Variants in ITGA1 observed in about 807,000 individuals in gnomAD.
ITGA1 encodes the protein integrin subunit alpha 1, also known as integrin alpha-1.
In ITGA1, 85 loss-of-function variants were observed where a neutral mutation model predicts 145.9. The observed-to-expected ratio is 0.58, with a 90% CI of 0.49 to 0.70. ITGA1 has a LOEUF of 0.70. Ranked by LOEUF, ITGA1 falls within the 30% of genes least tolerant of loss-of-function variation. ITGA1 has a pLI of 0.00. For missense variants in ITGA1, 1,351 were observed against 1,418.7 expected, an observed-to-expected ratio of 0.95 and a Z score of 0.77; for synonymous variants, 520 against 495.3, an observed-to-expected ratio of 1.05 and a Z score of -0.66.
At chr5:52,898,992 G>C (rs965892247) in intron 11 of ITGA1, among the ~76,000 whole-genome samples, 3 of 152,092 alleles carry the variant, frequency 2.0e-5, no homozygotes, top group African/African-American at 7.2e-5. Context: ...ACCAAGCTGA[G>C]CAACACCTGG....
chr5:52,930,957 A>C (rs932423234), intron 21 of ITGA1, among the ~76,000 whole-genome samples: 9 of 152,164 alleles, frequency 5.9e-5, no homozygotes, highest in Non-Finnish European at 1.0e-4. Context: ...GGAAGGCTGC[A>C]GTGTGGAATG....
chr5:52,854,897 T>G (rs1258289555), intron 2 of ITGA1, among the ~76,000 whole-genome samples: 1 of 152,180 alleles, frequency 6.6e-6, no homozygotes, highest in Non-Finnish European at 1.5e-5. Flanking sequence ...TCTCCAGAAA[T>G]GAGTAACGAT....
chr5:52,788,180 T>G lies in ITGA1; in HGVS notation c.-174T>G. On this transcript the variant is annotated 5_prime_UTR_variant, in exon 1 of 29. It adds an upstream start codon to the 5' untranslated region. Coordinates refer to ENST00000282588, the MANE Select transcript of ITGA1 (RefSeq NM_181501.2). ...AAGCGTGGAGCGCATTTAGAGGAAT[T>G]CGACGAAAACACAGGAAATCACTCC... 2.1e-6 allele frequency: 1 copy of G among 481,346 alleles called. No individual in the cohort carries two copies. Among genetic ancestry groups the G allele is most frequent in the Admixed American group, 4.4e-5 (1 of 22,890 alleles). 29.8% of individuals were successfully genotyped at this position (481,346 alleles called of 1,614,324 possible).
intron 21 of ITGA1, 159 bp from the exon 22 acceptor site, chr5:52,931,888 T>C: frequency 1.9e-6 from 1 of 532,494 alleles, no homozygotes; most frequent in East Asian, 3.0e-5. Context: ...CAATCATCTC[T>C]GATCTCCTTC....
chr5:52,910,443 C>A, intron 14 of ITGA1, 24 bp downstream of exon 14: 1 of 1,601,314 alleles, frequency 6.2e-7, no homozygotes, highest in Non-Finnish European at 8.5e-7. Context: ...CCTACAGATT[C>A]CCACCCTTCA....
chr5:52,923,169 G>A (rs138806217), intron 18 of ITGA1, among the ~76,000 whole-genome samples: 37 of 152,322 alleles, frequency 2.4e-4, no homozygotes, highest in African/African-American at 7.9e-4. Flanking sequence ...AGGAACTCCA[G>A]ATGTACAAGT....
At chr5:52,862,389 A>T (rs1391269026) in intron 3 of ITGA1, among the ~76,000 whole-genome samples, 1 of 152,102 alleles carries the variant, frequency 6.6e-6, no homozygotes, top group Non-Finnish European at 1.5e-5. Flanking sequence ...TTTTTCTATA[A>T]TCATTTATCT....
chr5:52,795,294 C>T (rs1313678581), intron 1 of ITGA1, among the ~76,000 whole-genome samples: 1 of 151,814 alleles, frequency 6.6e-6, no homozygotes, highest in African/African-American at 2.4e-5. Flanking sequence ...GTGGGAGAGG[C>T]TCCCAAGGTG....
intron 7 of ITGA1, among the ~76,000 whole-genome samples, chr5:52,883,992 CT>C (rs1447125293): frequency 6.6e-6 from 1 of 152,178 alleles, no homozygotes; most frequent in Admixed American, 6.5e-5. Flanking sequence ...TCATTCAATT[CT>C]TTTGTAACCC....
intron 2 of ITGA1, among the ~76,000 whole-genome samples, chr5:52,856,935 T>C (rs1749524137): frequency 6.6e-6 from 1 of 152,178 alleles, no homozygotes; most frequent in African/African-American, 2.4e-5. Context: ...TGGAAGTTCA[T>C]GCTGTCAGCT....
In ITGA1 at chr5:52,905,923, T is replaced by C. The variant is rs1314861033; in HGVS notation, c.1455+15T>C. 6 of 1,603,664 alleles carry C rather than the reference T, an allele frequency of 3.7e-6. No individual in the cohort carries two copies. The African/African-American group carries it at 6.7e-5, about 18-fold the overall frequency. ...GTGGAGAACAGGTAAACTTGAAAAA[T>C]ATTCTTTTATTTAAATTAATCTATT... is the stretch of plus-strand genomic sequence containing the variant. On this transcript the variant is annotated intron_variant, in intron 12 of 28. Coordinates refer to ENST00000282588, the MANE Select transcript of ITGA1 (RefSeq NM_181501.2).
intron 1 of ITGA1, among the ~76,000 whole-genome samples, chr5:52,795,206 G>A (rs1401514423): frequency 1.3e-5 from 2 of 151,860 alleles, no homozygotes; most frequent in Non-Finnish European, 2.9e-5. Context: ...TGTGTTCCAG[G>A]AGAACAAAGA....
At chr5:52,832,600 T>C (rs1024416744) in intron 1 of ITGA1, among the ~76,000 whole-genome samples, 1 of 152,180 alleles carries the variant, frequency 6.6e-6, no homozygotes, top group Non-Finnish European at 1.5e-5. Flanking sequence ...CTTACACCTA[T>C]GGTCAAATAC....
At chr5:52,929,254 G>A (rs921362607) in intron 20 of ITGA1, among the ~76,000 whole-genome samples, 1 of 152,080 alleles carries the variant, frequency 6.6e-6, no homozygotes, top group African/African-American at 2.4e-5. Flanking sequence ...GAACCAGGAA[G>A]GCAGCATTCT....
intron 1 of ITGA1, among the ~76,000 whole-genome samples, chr5:52,840,634 A>T (rs985409684): frequency 5.3e-5 from 8 of 152,194 alleles, no homozygotes; most frequent in Non-Finnish European, 1.0e-4. Flanking sequence ...GGATATGGGG[A>T]AAGAGCAGAT....
chr5:52,800,742 G>GT (rs1218405669), intron 1 of ITGA1: 2 of 1,614,268 alleles, frequency 1.2e-6, no homozygotes, highest in South Asian at 2.2e-5. Flanking sequence ...CCAAGAAGCA[G>GT]TGGGATAGTG....
At chr5:52,813,335 T>C (rs1007164914) in intron 1 of ITGA1, among the ~76,000 whole-genome samples, 31 of 152,236 alleles carry the variant, frequency 2.0e-4, no homozygotes, top group African/African-American at 7.5e-4. Flanking sequence ...TTACTTCCTA[T>C]GGTACCTGTT....
intron 1 of ITGA1, among the ~76,000 whole-genome samples, chr5:52,818,452 A>G (rs1241777504): frequency 2.0e-5 from 3 of 152,202 alleles, no homozygotes; most frequent in African/African-American, 7.2e-5. Context: ...CCTGGGAAGT[A>G]TATTCAAGTA....
intron 1 of ITGA1, among the ~76,000 whole-genome samples, chr5:52,812,800 T>C (rs1444183792): frequency 1.3e-5 from 1 of 75,952 alleles, no homozygotes; most frequent in Non-Finnish European, 3.2e-5. Context: ...TTTTTTTTTT[T>C]TTTTTTTTTT....
Sources: allele counts gnomAD v4.1 joint callset (sites outside exome capture counted in the v4.1 genomes callset), GRCh38; gene constraint gnomAD v4.1.1; transcripts MANE v1.5; gene names NCBI Gene and HGNC (gene_info 2026-07-23, HGNC 2026-07-21).